The following NECAB1 variants were observed in gnomAD, a reference collection of about 807,000 sequenced individuals.
NECAB1 encodes the protein N-terminal EF-hand calcium binding protein 1.
NECAB1 carries 29 observed loss-of-function variants against 57.5 expected under a neutral mutation model. The ratio of observed to expected loss-of-function variants is 0.50; its 90% CI spans 0.38 to 0.69. NECAB1 has a LOEUF of 0.69. NECAB1 is among the 30% of genes least tolerant of loss of function. The probability of loss-of-function intolerance (pLI) is 0.00; values close to 1 mark genes in which losing one functional copy is unlikely to be tolerated. For synonymous variants in NECAB1, 142 were observed against 147.7 expected, an observed-to-expected ratio of 0.96 and a Z score of 0.28; for missense variants, 372 against 413.8, an observed-to-expected ratio of 0.90 and a Z score of 0.88.
At chr8:90,950,010 C>G (rs1402748525) in intron 11 of NECAB1, 126 bp downstream of exon 11, 2 of 542,426 alleles carry the variant, frequency 3.7e-6, no homozygotes, top group Non-Finnish European at 6.6e-6. Flanking sequence ...CCCATTTGCC[C>G]ATTACCATGA....
At position 90,957,161 on chromosome 8, in the gene NECAB1, CTGAT is replaced by C. The variant is rs1237481779; in HGVS notation, c.*1652_*1655del. ...ACAGACACATAACAGTCTCTGCAGA[CTGAT>C]TGTATATAGTAAGAAAAGATCAAAA... On this transcript the variant is annotated 3_prime_UTR_variant, in exon 13 of 13. Transcript: ENST00000417640. 1 of 151,954 alleles carries C rather than the reference CTGAT, an allele frequency of 6.6e-6. No individual in the cohort carries two copies. Among genetic ancestry groups the C allele is most frequent in the Non-Finnish European group, 1.5e-5 (1 of 67,924 alleles). The allele number at this position is 151,954 out of a possible 1,614,324, so 9.4% of individuals were successfully genotyped here. A position where few individuals can be genotyped will look rare whatever the true frequency, so the allele number is the denominator to read the frequency against.
At position 90,917,538 on chromosome 8, in the gene NECAB1, T is replaced by G; in HGVS notation, c.404T>G (p.Leu135Ter). Residue 135 changes from leucine (L) to a stop codon, truncating the protein, a stop_gained, in exon 6 of 13, where the codon TTA becomes TGA. Transcript: ENST00000417640. LOFTEE classifies it high-confidence loss of function. ...TTGGAACAATTCGTAACTAGATTTTTATTGAAGGAAACCCTGAATCAGCTG... is the reference window on the plus strand; with the variant it reads ...TTGGAACAATTCGTAACTAGATTTTGATTGAAGGAAACCCTGAATCAGCTG... ...SNLEQFVTRF[L>*]LKETLNQLQS... 6.2e-7 allele frequency: 1 copy of G among 1,612,254 alleles called. No homozygotes were observed. Among genetic ancestry groups the G allele is most frequent in the Non-Finnish European group, 8.5e-7 (1 of 1,178,832 alleles).
At chr8:90,894,338 A>G (rs937902774) in intron 5 of NECAB1, among the ~76,000 whole-genome samples, 1 of 152,202 alleles carries the variant, frequency 6.6e-6, no homozygotes, top group East Asian at 1.9e-4. Context: ...GGTCATTTAT[A>G]TACATTAAAA....
intron 3 of NECAB1, among the ~76,000 whole-genome samples, chr8:90,845,129 C>A (rs530919342): frequency 2.0e-4 from 30 of 152,282 alleles, no homozygotes; most frequent in Admixed American, 1.7e-3. Context: ...GCCCACATTG[C>A]AGAGGGCAAT....
intron 7 of NECAB1, 29 bp downstream of exon 7, chr8:90,925,685 G>C: frequency 6.2e-7 from 1 of 1,611,838 alleles, no homozygotes; most frequent in Non-Finnish European, 8.5e-7. Flanking sequence ...GTTTTTATTT[G>C]TCAAAGTCTA....
intron 8 of NECAB1, among the ~76,000 whole-genome samples, chr8:90,933,623 C>T (rs1810461523): frequency 6.6e-6 from 1 of 152,020 alleles, no homozygotes; most frequent in South Asian, 2.1e-4. Context: ...AAATCGGGTT[C>T]AGTGTATACT....
intron 6 of NECAB1, among the ~76,000 whole-genome samples, chr8:90,918,931 G>C (rs1810040745): frequency 6.6e-6 from 1 of 152,162 alleles, no homozygotes; most frequent in Non-Finnish European, 1.5e-5. Context: ...TGATGGGAAA[G>C]ACCCTTACAG....
chr8:90,805,681 T>C (rs967725828), intron 2 of NECAB1, among the ~76,000 whole-genome samples: 3 of 151,938 alleles, frequency 2.0e-5, no homozygotes, highest in African/African-American at 7.2e-5. Context: ...ATGGAAATGA[T>C]ACATGGGTAT....
At chr8:90,807,134 T>G (rs1227995113) in intron 2 of NECAB1, among the ~76,000 whole-genome samples, 1 of 152,232 alleles carries the variant, frequency 6.6e-6, no homozygotes, top group East Asian at 1.9e-4. Context: ...GTAGTTTAAT[T>G]GATTTAATGC....
intron 5 of NECAB1, among the ~76,000 whole-genome samples, chr8:90,891,135 TG>T (rs1192600061): frequency 6.6e-6 from 1 of 152,198 alleles, no homozygotes; most frequent in African/African-American, 2.4e-5. Flanking sequence ...CATAGAAATT[TG>T]GGGAATACAG....
At chr8:90,923,476 A>G (rs1355662279) in intron 6 of NECAB1, among the ~76,000 whole-genome samples, 1 of 152,232 alleles carries the variant, frequency 6.6e-6, no homozygotes. Flanking sequence ...TTCCCTGAAG[A>G]ATAGGCCCAG....
chr8:90,847,111 C>A (rs1433654328), intron 3 of NECAB1, among the ~76,000 whole-genome samples: 1 of 152,184 alleles, frequency 6.6e-6, no homozygotes, highest in Non-Finnish European at 1.5e-5. Context: ...CACCTATGAG[C>A]CTGTAAAATG....
chr8:90,812,549 C>G (rs1811979937), intron 2 of NECAB1: 1 of 151,998 alleles, frequency 6.6e-6, no homozygotes, highest in Admixed American at 6.6e-5. Flanking sequence ...TTCCAAGTGA[C>G]AAAAATATTT....
At position 90,958,854 on chromosome 8, in the gene NECAB1, T is replaced by G. The variant is rs2130294367; in HGVS notation, c.*3342T>G. 1.8e-6 allele frequency: 1 copy of G among 541,516 alleles called. No individual in the cohort carries two copies. Among genetic ancestry groups the G allele is most frequent in the Non-Finnish European group, 3.2e-6 (1 of 314,246 alleles). The allele number at this position is 541,516 out of a possible 1,614,324, so 33.5% of individuals were successfully genotyped here. On this transcript the variant is annotated 3_prime_UTR_variant, in exon 13 of 13. Transcript: ENST00000417640. Reference sequence around the variant, plus strand: ...GAAACTGATTAGAAAATTCTTTATATTTTAAAATAGCTCTTTCTCATTTTT... The same window carrying G: ...GAAACTGATTAGAAAATTCTTTATAGTTTAAAATAGCTCTTTCTCATTTTT...
intron 2 of NECAB1, among the ~76,000 whole-genome samples, chr8:90,817,822 T>C (rs1217539676): frequency 6.6e-6 from 1 of 151,896 alleles, no homozygotes; most frequent in Non-Finnish European, 1.5e-5. Flanking sequence ...GCTAGCTTCA[T>C]AGAATGAATT....
In NECAB1 at chr8:90,940,905, G is replaced by C. The variant is rs199986915; in HGVS notation, c.860+7G>C. On this transcript the variant is annotated splice_region_variant and intron_variant, in intron 10 of 12. Transcript: ENST00000417640. ...CCCAAAGTGGATGCTTGCGGTAAGT[G>C]CTCCGACTCCTGCACCTTAGGCCTT... is the stretch of plus-strand genomic sequence containing the variant. The C allele has an allele frequency of 1.2e-4, 190 of 1,551,672 alleles. 1 individual carries two copies. The African/African-American group carries it at 2.3e-3, about 19-fold the overall frequency.
At chr8:90,877,619 T>G (rs527466778) in intron 4 of NECAB1, among the ~76,000 whole-genome samples, 3 of 152,282 alleles carry the variant, frequency 2.0e-5, no homozygotes, top group African/African-American at 7.2e-5. Context: ...CCTGAGACAC[T>G]GAGTTCTAAC....
chr8:90,912,488 T>C (rs1809853024), intron 5 of NECAB1, among the ~76,000 whole-genome samples: 1 of 152,170 alleles, frequency 6.6e-6, no homozygotes, highest in Non-Finnish European at 1.5e-5. Flanking sequence ...TTATTAATTG[T>C]TTAATAATAT....
intron 4 of NECAB1, among the ~76,000 whole-genome samples, chr8:90,877,865 G>C (rs1352960244): frequency 6.6e-6 from 1 of 152,010 alleles, no homozygotes; most frequent in East Asian, 1.9e-4. Flanking sequence ...TTTATGTCTT[G>C]GCAGTGCTGA....
Sources: gnomAD v4.1 joint callset for allele counts (sites outside exome capture counted in the v4.1 genomes callset) on GRCh38, gnomAD v4.1.1 for gene constraint, MANE v1.5 for transcripts, NCBI Gene and HGNC (gene_info 2026-07-23, HGNC 2026-07-21) for gene names.